The following TBC1D16 variants were observed in gnomAD, a reference collection of about 807,000 sequenced individuals.
The protein encoded by TBC1D16 is CTD-2529O21.1.
A neutral mutation model predicts 74.7 loss-of-function variants in TBC1D16; 58 were observed. That is an observed-to-expected ratio of 0.78 (90% confidence interval 0.63 to 0.97). The LOEUF (loss-of-function observed/expected upper bound fraction) is 0.97. TBC1D16 is among the 50% of genes least tolerant of loss of function. The pLI is 0.00. For missense variants in TBC1D16, 1,014 were observed against 1,079.5 expected (o/e 0.94, Z 0.85); for synonymous variants, 493 against 474.7 (o/e 1.04, Z -0.50).
rs984556335 is a variant in TBC1D16, at chr17:79,939,676, C to T, written c.*1183G>A. 1.3e-5 allele frequency: 2 copies of T among 152,132 alleles called. No individual in the cohort carries two copies. The highest frequency in any genetic ancestry group is 6.5e-5 in the Admixed American group (1 of 15,274). The allele number at this position is 152,132 out of a possible 1,614,324, so 9.4% of individuals were successfully genotyped here. On this transcript the variant is annotated 3_prime_UTR_variant, in exon 12 of 12. Coordinates refer to ENST00000310924, the MANE Select transcript of TBC1D16 (RefSeq NM_019020.4). ...ACCCTTTTCTGTCCATCTCTAAATC[C>T]CAGAAGGAGCAACTGATACACAATC...
At chr17:80,023,857 T>G (rs2143185004) in intron 1 of TBC1D16, 1 of 150,148 alleles carries the variant, frequency 6.7e-6, no homozygotes, top group Admixed American at 6.6e-5. Context: ...AAAATCCACC[T>G]TGGCAGCGCC....
chr17:80,006,188 C>T (rs977576360), intron 3 of TBC1D16, among the ~76,000 whole-genome samples: 5 of 151,908 alleles, frequency 3.3e-5, no homozygotes, highest in Admixed American at 2.0e-4. Flanking sequence ...GGAGCGCTCT[C>T]GCTCTCTCTC....
chr17:79,997,007 T>C (rs1286651927), intron 3 of TBC1D16, among the ~76,000 whole-genome samples: 1 of 152,174 alleles, frequency 6.6e-6, no homozygotes, highest in Non-Finnish European at 1.5e-5. Flanking sequence ...CTTCACAGGA[T>C]GATGCTGAAC....
At chr17:79,946,820 C>T (rs1242388533) in intron 9 of TBC1D16, among the ~76,000 whole-genome samples, 4 of 152,240 alleles carry the variant, frequency 2.6e-5, no homozygotes, top group Admixed American at 6.5e-5. Flanking sequence ...AGACCCCACA[C>T]ACCCTGGAGC....
chr17:79,965,925 C>T (rs2033822394), intron 3 of TBC1D16, among the ~76,000 whole-genome samples: 1 of 152,216 alleles, frequency 6.6e-6, no homozygotes. Flanking sequence ...TCGCCTCTTT[C>T]CTTGTTTTCC....
rs2034847611 is a variant in TBC1D16, at chr17:79,986,669, G to A, written c.779+23491C>T. Among the ~76,000 whole-genome samples the A allele has an allele frequency of 6.6e-6, 1 of 152,100 alleles. No individual in the cohort carries two copies. Among genetic ancestry groups the A allele is most frequent in the Non-Finnish European group, 1.5e-5 (1 of 68,034 alleles). On this transcript the variant is annotated intron_variant, in intron 3 of 11. Coordinates refer to ENST00000310924, the MANE Select transcript of TBC1D16 (RefSeq NM_019020.4). This position sits in a 1 kb window ranked among gnomAD's most constrained non-coding sequence, Gnocchi z 6.0. ...CCCGAGTTCTTTGCCTCTTATTAAAGGGCAGAGCCACCATGGTGGGTGAAC... is the reference window on the plus strand; with the variant it reads ...CCCGAGTTCTTTGCCTCTTATTAAAAGGCAGAGCCACCATGGTGGGTGAAC...
In TBC1D16 at chr17:80,010,614, G is replaced by A. The variant is rs1195120469; in HGVS notation, c.325C>T (p.Pro109Ser). The change falls in exon 3 of 12, where the codon CCC (proline) becomes TCC (serine). Residue 109 changes from proline to serine, a missense_variant. By Grantham distance (74) the Pro-to-Ser change is moderately conservative (BLOSUM62 -1). Transcript: ENST00000310924. This position sits in a 1 kb window ranked among gnomAD's most constrained non-coding sequence, Gnocchi z 8.8. The part of the protein sequence containing the change: ...TPESSPVRKA[P>S]RPRGRRTRSS... ...CGGGTGCGCCGGCCCCGAGGGCGGGGTGCCTTGCGAACGGGGGAGCTCTCG... is the reference window on the plus strand; with the variant it reads ...CGGGTGCGCCGGCCCCGAGGGCGGGATGCCTTGCGAACGGGGGAGCTCTCG... The A allele has an allele frequency of 6.3e-7, 1 of 1,582,694 alleles. No homozygotes were observed.
In TBC1D16 at chr17:80,010,636, C is replaced by T. The variant is rs757580100; in HGVS notation, c.303G>A (p.Glu101=). 2 of 1,571,628 alleles carry T rather than the reference C, an allele frequency of 1.3e-6. No homozygotes were observed. Among genetic ancestry groups the T allele is most frequent in the South Asian group, 1.2e-5 (1 of 84,192 alleles). ...DEEALRYITP[E]SSPVRKAPRP... ...GGGGTGCCTTGCGAACGGGGGAGCT[C>T]TCGGGTGTGATGTAGCGCAGGGCCT... Residue 101 remains glutamate (E), a synonymous_variant, in exon 3 of 12, where the codon GAG becomes GAA. Coordinates refer to ENST00000310924, the MANE Select transcript of TBC1D16 (RefSeq NM_019020.4). The surrounding 1 kb of genome is among the most constrained non-coding windows in gnomAD (Gnocchi z 8.8).
intron 1 of TBC1D16, among the ~76,000 whole-genome samples, chr17:80,028,662 C>T (rs1227474592): frequency 8.8e-5 from 13 of 147,704 alleles, no homozygotes; most frequent in African/African-American, 2.3e-4. Context: ...CTCGCTCTGT[C>T]GCCCAGGCTG....
intron 9 of TBC1D16, among the ~76,000 whole-genome samples, chr17:79,945,717 T>G (rs1471301589): frequency 6.6e-6 from 1 of 152,190 alleles, no homozygotes; most frequent in African/African-American, 2.4e-5. Flanking sequence ...TGCGCTGCCA[T>G]GAGCCGTCAG....
At chr17:80,002,130 C>T (rs1052803913) in intron 3 of TBC1D16, among the ~76,000 whole-genome samples, 5 of 152,142 alleles carry the variant, frequency 3.3e-5, no homozygotes, top group Admixed American at 6.5e-5. Flanking sequence ...CAGGGCCTTC[C>T]GTGGGAGCTC....
chr17:80,029,973 C>T (rs760541698), intron 1 of TBC1D16, among the ~76,000 whole-genome samples: 3 of 152,082 alleles, frequency 2.0e-5, no homozygotes, highest in African/African-American at 4.8e-5. Context: ...TCAAGGCCAG[C>T]AGTGGCCGAT....
intron 8 of TBC1D16, among the ~76,000 whole-genome samples, chr17:79,948,379 G>C (rs1184039308): frequency 6.6e-6 from 1 of 152,198 alleles, no homozygotes; most frequent in Non-Finnish European, 1.5e-5. Context: ...TGAGAGCAGG[G>C]GTTAAGGGGG....
chr17:80,024,527 G>GC (rs1568648521), intron 1 of TBC1D16, among the ~76,000 whole-genome samples: 73 of 129,272 alleles, frequency 5.6e-4, no homozygotes, highest in Admixed American at 1.6e-3. Context: ...CGCACACCAT[G>GC]CACACACCAC....
intron 1 of TBC1D16, among the ~76,000 whole-genome samples, chr17:80,020,529 G>A (rs1390018973): frequency 1.3e-5 from 2 of 149,592 alleles, no homozygotes; most frequent in Non-Finnish European, 2.9e-5. Context: ...AGGTTGCAGT[G>A]AGCTGAGATG....
intron 3 of TBC1D16, among the ~76,000 whole-genome samples, chr17:79,976,325 T>C (rs1242676833): frequency 6.6e-6 from 1 of 152,228 alleles, no homozygotes; most frequent in Non-Finnish European, 1.5e-5. Context: ...GCCTCTGTTA[T>C]GTTTTAACCA....
rs955097017 is a variant in TBC1D16 at position 79,988,916 on chromosome 17, C to T, written c.779+21244G>A. ...CCCTCCCCAACCCGCACCTGCCCGCCGGCCCCAGGCCCTCCCTCAGGACCC... is the reference window on the plus strand; with the variant it reads ...CCCTCCCCAACCCGCACCTGCCCGCTGGCCCCAGGCCCTCCCTCAGGACCC... On this transcript the variant is annotated intron_variant, in intron 3 of 11. Transcript: ENST00000310924. This position sits in a 1 kb window ranked among gnomAD's most constrained non-coding sequence, Gnocchi z 5.7. Among the ~76,000 whole-genome samples the T allele has an allele frequency of 1.3e-5, 2 of 152,236 alleles. No individual in the cohort carries two copies. Among genetic ancestry groups the T allele is most frequent in the African/African-American group, 4.8e-5 (2 of 41,462 alleles).
Position 79,950,542 on chromosome 17 carries a change from T to G in TBC1D16, c.1126A>C (p.Ile376Leu). 6.2e-7 allele frequency: 1 copy of G among 1,613,090 alleles called. No homozygotes were observed. The highest frequency in any genetic ancestry group is 8.5e-7 in the Non-Finnish European group (1 of 1,179,848). ...APDKTCMQFS[I>L]RRPKLPSSET... The stretch of plus-strand genomic sequence containing the variant: ...GAGGACGGCAGCTTGGGGCGGCGGA[T>G]GGAGAACTGCATGCATGTCTTATCG... The change falls in exon 6 of 12, where the codon ATC becomes CTC. Residue 376 changes from isoleucine to leucine, a missense_variant. Ile to Leu is a conservative substitution (Grantham distance 5). Coordinates refer to ENST00000310924, the MANE Select transcript of TBC1D16 (RefSeq NM_019020.4). This position sits in a 1 kb window ranked among gnomAD's most constrained non-coding sequence, Gnocchi z 4.6.
chr17:79,933,716 T>C lies in TBC1D16; in HGVS notation c.*7143A>G, dbSNP rs2031404319. The C allele has an allele frequency of 6.6e-6, 1 of 152,144 alleles. No homozygotes were observed. The highest frequency in any genetic ancestry group is 1.5e-5 in the Non-Finnish European group (1 of 68,052). The allele number at this position is 152,144 out of a possible 1,614,324, so 9.4% of individuals were successfully genotyped here. On this transcript the variant is annotated 3_prime_UTR_variant, in exon 12 of 12. Coordinates refer to ENST00000310924, the MANE Select transcript of TBC1D16 (RefSeq NM_019020.4). ...GTTTGCCCAGCCGGCCCCAAAGGTGTGGGGGTCCACATGGCCTCACCCAGG... is the reference window on the plus strand; with the variant it reads ...GTTTGCCCAGCCGGCCCCAAAGGTGCGGGGGTCCACATGGCCTCACCCAGG...
Sources: allele counts gnomAD v4.1 joint callset (sites outside exome capture counted in the v4.1 genomes callset), GRCh38; gene constraint gnomAD v4.1.1; non-coding constraint Gnocchi (gnomAD v3.1); transcripts MANE v1.5; gene names NCBI Gene and HGNC (gene_info 2026-07-23, HGNC 2026-07-21).